Variants in HOMEZ observed in about 807,000 individuals in gnomAD.
The protein encoded by HOMEZ is homeobox and leucine zipper protein Homez.
In HOMEZ, 20 loss-of-function variants were observed where a neutral mutation model predicts 50.1. The observed-to-expected ratio is 0.40, with a 90% CI of 0.28 to 0.58. The LOEUF is 0.58. HOMEZ is among the 20% of genes least tolerant of loss of function. HOMEZ has a pLI of 0.46. For synonymous variants in HOMEZ, 239 were observed against 254.7 expected (o/e 0.94, Z 0.59); for missense variants, 579 against 680.5 (o/e 0.85, Z 1.66).
chr14:23,273,126 C>T lies in HOMEZ; in HGVS notation c.*2449G>A, dbSNP rs8010663. 199,306 of 339,950 alleles carry T rather than the reference C, an allele frequency of 0.59. 60,031 individuals carry two copies. The highest frequency in any genetic ancestry group is 0.79 in the African/African-American group (37,236 of 46,920). The allele number at this position is 339,950 out of a possible 1,614,324, so 21.1% of individuals were successfully genotyped here. A position where few individuals can be genotyped will look rare whatever the true frequency, so the allele number is the denominator to read the frequency against. On this transcript the variant is annotated 3_prime_UTR_variant, in exon 2 of 2. Coordinates refer to ENST00000357460, the MANE Select transcript of HOMEZ (RefSeq NM_020834.3). ...ATGTTTATATCTCTTCCAGAAGACACTGGTAGCTCCCCTCATTTCCTACAA... is the reference window on the plus strand; with the variant it reads ...ATGTTTATATCTCTTCCAGAAGACATTGGTAGCTCCCCTCATTTCCTACAA...
chr14:23,277,028 T>C lies in HOMEZ; in HGVS notation c.200A>G (p.Asn67Ser). 6.2e-7 allele frequency: 1 copy of C among 1,614,050 alleles called. No individual in the cohort carries two copies. The highest frequency in any genetic ancestry group is 8.5e-7 in the Non-Finnish European group (1 of 1,179,892). ...GCTGAAGGTTTTGAGCAGGTGTTCA[T>C]TGCTGTCTAGCTCACTGGTCTGGGC... ...QAAQTSELDS[N>S]EHLLKTFSYF... Residue 67 changes from asparagine (N) to serine (S), a missense_variant, in exon 2 of 2, where the codon AAT becomes AGT. Transcript: ENST00000357460.
At position 23,272,838 on chromosome 14, in the gene HOMEZ, C is replaced by T. The variant is rs569202767; in HGVS notation, c.*2737G>A. The T allele has an allele frequency of 9.1e-5, 141 of 1,548,742 alleles. No individual in the cohort carries two copies. The African/African-American group carries it at 1.3e-3, about 15-fold the overall frequency. On this transcript the variant is annotated 3_prime_UTR_variant, in exon 2 of 2. Coordinates refer to ENST00000357460, the MANE Select transcript of HOMEZ (RefSeq NM_020834.3). Reference sequence around the variant, plus strand: ...TCTGCTGCAGACTCTCTACCAACAACGGAGGCATATGGGATTACCCAGTGG... The same window carrying T: ...TCTGCTGCAGACTCTCTACCAACAATGGAGGCATATGGGATTACCCAGTGG...
intron 1 of HOMEZ, among the ~76,000 whole-genome samples, chr14:23,284,088 CAA>C (rs1462335039): frequency 6.6e-6 from 1 of 152,132 alleles, no homozygotes; most frequent in Non-Finnish European, 1.5e-5. Flanking sequence ...GAGAATCAGA[CAA>C]AAGTTACAGA....
rs1886653739 is a variant in HOMEZ, at chr14:23,285,943, C to T, written c.10G>A (p.Gly4Ser). The part of the protein sequence containing the change: MVR[G>S]WEPPPGLDCA... ...TCCAGCCCGGGCGGCGGCTCCCAGC[C>T]TCGCACCATGGGCCGGGGGGAAGTG... is the stretch of plus-strand genomic sequence containing the variant. The change falls in exon 1 of 2, where the codon GGC (glycine) becomes AGC (serine). Residue 4 changes from glycine (G) to serine (S), a missense_variant. Physicochemically the swap from Gly to Ser is moderately conservative, Grantham distance 56 (BLOSUM62 0). Transcript: ENST00000357460. 1.6e-6 allele frequency: 2 copies of T among 1,246,188 alleles called. No homozygotes were observed. The allele number at this position is 1,246,188 out of a possible 1,614,324, so 77.2% of individuals were successfully genotyped here. A position where few individuals can be genotyped will look rare whatever the true frequency, so the allele number is the denominator to read the frequency against.
intron 1 of HOMEZ, among the ~76,000 whole-genome samples, chr14:23,277,636 C>T (rs561350332): frequency 1.3e-5 from 2 of 151,990 alleles, no homozygotes; most frequent in East Asian, 1.9e-4. Context: ...GTCCCAACTA[C>T]TTGGGAGGCT....
Position 23,272,713 on chromosome 14 carries a change from A to C in HOMEZ, c.*2862T>G, listed in dbSNP as rs1179640828. ...GCAATGAAGAAAACTATGGGGAAGC[A>C]AAAGCAGTGGTGTCTGTCTCGATAA... On this transcript the variant is annotated 3_prime_UTR_variant, in exon 2 of 2. Transcript: ENST00000357460. The C allele has an allele frequency of 5.5e-6, 4 of 731,912 alleles. No individual in the cohort carries two copies. The highest frequency in any genetic ancestry group is 9.6e-6 in the Non-Finnish European group (4 of 415,732). The allele number at this position is 731,912 out of a possible 1,614,324, so 45.3% of individuals were successfully genotyped here. A position where few individuals can be genotyped will look rare whatever the true frequency, so the allele number is the denominator to read the frequency against.
intron 1 of HOMEZ, among the ~76,000 whole-genome samples, chr14:23,280,758 ATTTTATTTTATTTTATT>A (rs1886527011): frequency 5.5e-5 from 4 of 72,792 alleles, no homozygotes; most frequent in East Asian, 3.2e-4. Context: ...ATTTTATTTT[ATTTTATTTTATTTTATT>A]TTATTTTATT....
At chr14:23,279,121 T>C (rs1482996227) in intron 1 of HOMEZ, among the ~76,000 whole-genome samples, 2 of 152,178 alleles carry the variant, frequency 1.3e-5, no homozygotes, top group African/African-American at 2.4e-5. Flanking sequence ...GTAGCTGGAA[T>C]TACAAGCGTG....
At chr14:23,281,833 A>AATG (rs1310549097) in intron 1 of HOMEZ, among the ~76,000 whole-genome samples, 1 of 148,010 alleles carries the variant, frequency 6.8e-6, no homozygotes, top group Non-Finnish European at 1.5e-5. Flanking sequence ...TAATAATAAT[A>AATG]ATAATACAAA....
Position 23,273,520 on chromosome 14 carries a change from C to T in HOMEZ, c.*2055G>A, listed in dbSNP as rs1886260047. 6.6e-6 allele frequency: 1 copy of T among 152,158 alleles called. No homozygotes were observed. The allele number at this position is 152,158 out of a possible 1,614,324, so 9.4% of individuals were successfully genotyped here. A position where few individuals can be genotyped will look rare whatever the true frequency, so the allele number is the denominator to read the frequency against. On this transcript the variant is annotated 3_prime_UTR_variant, in exon 2 of 2. Transcript: ENST00000357460. ...GCTCTAGAATGGTGGAATGGGCGAA[C>T]AACACTATCACTGAGATCAAACATG...
At position 23,275,868 on chromosome 14, in the gene HOMEZ, G is replaced by A. The variant is rs1292598247; in HGVS notation, c.1360C>T (p.Leu454=). Residue 454 remains leucine, a synonymous_variant, in exon 2 of 2, where the codon CTG becomes TTG. Coordinates refer to ENST00000357460, the MANE Select transcript of HOMEZ (RefSeq NM_020834.3). ...TCCGGTGGGGGTGGAGGGATCGGCA[G>A]AGGTGGTGTCTCAGCCCTTTCGTTC... The part of the protein sequence containing the change: ...SLNERAETPP[L]PIPPPPPDIQ... 3 of 1,598,746 alleles carry A rather than the reference G, an allele frequency of 1.9e-6. No individual in the cohort carries two copies. The highest frequency in any genetic ancestry group is 1.7e-5 in the Admixed American group (1 of 59,104).
rs754233831 is a variant in HOMEZ, at chr14:23,276,168, T to C, written c.1060A>G (p.Met354Val). ...VGPTEYLSPD[M>V]QRQRKTKRKT... is the part of the protein sequence containing the mutation. ...CGCTTGGTCTTTCGCTGGCGTTGCA[T>C]ATCTGGGGAAAGGTACTCTGTGGGG... The change falls in exon 2 of 2, where the codon ATG (methionine) becomes GTG (valine). Residue 354 changes from methionine to valine, a missense_variant. Transcript: ENST00000357460. This position sits in a 1 kb window ranked among gnomAD's most constrained non-coding sequence, Gnocchi z 4.1. 3 of 1,613,822 alleles carry C rather than the reference T, an allele frequency of 1.9e-6. No homozygotes were observed. The African/African-American group carries it at 4.0e-5, about 22-fold the overall frequency.
intron 1 of HOMEZ, among the ~76,000 whole-genome samples, chr14:23,280,571 G>A (rs1886467355): frequency 1.3e-5 from 2 of 151,898 alleles, no homozygotes; most frequent in South Asian, 4.1e-4. Flanking sequence ...AACTGCTCAA[G>A]TTATTTCCCA....
Position 23,279,237 on chromosome 14 carries a change from A to C in HOMEZ, c.41-2050T>G, listed in dbSNP as rs115905277. 4.7e-3 allele frequency among the ~76,000 whole-genome samples: 708 copies of C among 152,010 alleles called. 5 individuals carry two copies. Among genetic ancestry groups the C allele is most frequent in the African/African-American group, 0.016 (643 of 41,454 alleles). The stretch of plus-strand genomic sequence containing the variant: ...AAAAGAAATAGCAATCGAATATAAA[A>C]TTTTCTTTTTTTTTTCTTCTCAGTA... On this transcript the variant is annotated intron_variant, in intron 1 of 1. Coordinates refer to ENST00000357460, the MANE Select transcript of HOMEZ (RefSeq NM_020834.3).
chr14:23,281,872 T>C (rs1033047006), intron 1 of HOMEZ, among the ~76,000 whole-genome samples: 1 of 151,384 alleles, frequency 6.6e-6, no homozygotes, highest in Admixed American at 6.6e-5. Flanking sequence ...GGCGCAACTG[T>C]AGTCCTAGCT....
At position 23,274,463 on chromosome 14, in the gene HOMEZ, C is replaced by G. The variant is rs1747289214; in HGVS notation, c.*1112G>C. The G allele has an allele frequency of 6.6e-6, 1 of 152,602 alleles. No individual in the cohort carries two copies. Among genetic ancestry groups the G allele is most frequent in the Non-Finnish European group, 1.5e-5 (1 of 68,024 alleles). The allele number at this position is 152,602 out of a possible 1,614,324, so 9.5% of individuals were successfully genotyped here. On this transcript the variant is annotated 3_prime_UTR_variant, in exon 2 of 2. Coordinates refer to ENST00000357460, the MANE Select transcript of HOMEZ (RefSeq NM_020834.3). ...AGGACATCTTCCCTAATTACCACCT[C>G]CAATAAATATCCATTCTAAATTATT...
chr14:23,274,638 T>A lies in HOMEZ; in HGVS notation c.*937A>T, dbSNP rs1886292989. The A allele has an allele frequency of 6.6e-6, 1 of 152,576 alleles. No individual in the cohort carries two copies. The highest frequency in any genetic ancestry group is 6.5e-5 in the Admixed American group (1 of 15,280). The allele number at this position is 152,576 out of a possible 1,614,324, so 9.5% of individuals were successfully genotyped here. On this transcript the variant is annotated 3_prime_UTR_variant, in exon 2 of 2. Coordinates refer to ENST00000357460, the MANE Select transcript of HOMEZ (RefSeq NM_020834.3). The stretch of plus-strand genomic sequence containing the variant: ...AAGAACTGAAAATAGCCGGGCACGG[T>A]GGCTCATGCCTATAATCCCAGCACT...
intron 1 of HOMEZ, among the ~76,000 whole-genome samples, chr14:23,279,649 T>C (rs1886445270): frequency 6.6e-6 from 1 of 152,192 alleles, no homozygotes; most frequent in South Asian, 2.1e-4. Context: ...TATTGATTCT[T>C]TGAAGAGAAA....
Position 23,272,786 on chromosome 14 carries a change from T to C in HOMEZ, c.*2789A>G, listed in dbSNP as rs532688887. 2.8e-6 allele frequency: 4 copies of C among 1,426,058 alleles called. No homozygotes were observed. The African/African-American group carries it at 4.2e-5, about 15-fold the overall frequency. 88.3% of individuals were successfully genotyped at this position (1,426,058 alleles called of 1,614,324 possible). ...GACTTGCTTGCCCTTTTTGCTGTTATAAACACCCACATCTACCTTCTTGTC... is the reference window on the plus strand; with the variant it reads ...GACTTGCTTGCCCTTTTTGCTGTTACAAACACCCACATCTACCTTCTTGTC... On this transcript the variant is annotated 3_prime_UTR_variant, in exon 2 of 2. Coordinates refer to ENST00000357460, the MANE Select transcript of HOMEZ (RefSeq NM_020834.3).
Sources: gnomAD v4.1 joint callset for allele counts (sites outside exome capture counted in the v4.1 genomes callset) on GRCh38, gnomAD v4.1.1 for gene constraint, Gnocchi (gnomAD v3.1) non-coding constraint, MANE v1.5 for transcripts, NCBI Gene and HGNC (gene_info 2026-07-23, HGNC 2026-07-21) for gene names.